Variants in SORCS2 observed in about 807,000 individuals in gnomAD.
The protein encoded by SORCS2 is sortilin related VPS10 domain containing receptor 2.
In SORCS2, 100 loss-of-function variants were observed where a neutral mutation model predicts 141.6. The observed-to-expected ratio is 0.71, with a 90% CI of 0.60 to 0.83. The LOEUF is 0.83. Ranked by LOEUF, SORCS2 falls within the 40% of genes least tolerant of loss-of-function variation. SORCS2 has a pLI of 0.00. For missense variants in SORCS2, 1,646 were observed against 1,560.2 expected (o/e 1.05, Z -0.93); for synonymous variants, 789 against 676.9 (o/e 1.17, Z -2.57).
intron 1 of SORCS2, among the ~76,000 whole-genome samples, chr4:7,359,678 C>A (rs1466990972): frequency 6.6e-6 from 1 of 152,218 alleles, no homozygotes; most frequent in African/African-American, 2.4e-5. Flanking sequence ...GAGCATCATT[C>A]AGTGAGAGTG....
At position 7,286,209 on chromosome 4, in the gene SORCS2, C is replaced by T. The variant is rs1175284375; in HGVS notation, c.480+93083C>T. ...GCCGGTCCTCACTGCACGACTCGGACCCTGAGTCTCCTCGCGTGGGAAGTG... is the reference window on the plus strand; with the variant it reads ...GCCGGTCCTCACTGCACGACTCGGATCCTGAGTCTCCTCGCGTGGGAAGTG... On this transcript the variant is annotated intron_variant, in intron 1 of 26. Coordinates refer to ENST00000507866, the MANE Select transcript of SORCS2 (RefSeq NM_020777.3). This position sits in a 1 kb window ranked among gnomAD's most constrained non-coding sequence, Gnocchi z 4.1. Among the ~76,000 whole-genome samples, 1 of 152,238 alleles carries T rather than the reference C, an allele frequency of 6.6e-6. No homozygotes were observed. Among genetic ancestry groups the T allele is most frequent in the African/African-American group, 2.4e-5 (1 of 41,466 alleles).
intron 26 of SORCS2, among the ~76,000 whole-genome samples, chr4:7,739,840 C>T (rs1448831992): frequency 3.3e-5 from 5 of 152,306 alleles, no homozygotes; most frequent in Non-Finnish European, 7.4e-5. Flanking sequence ...CCACTCTACG[C>T]CCTGCAGCGC....
At chr4:7,417,183 C>T (rs139559892) in intron 2 of SORCS2, among the ~76,000 whole-genome samples, 4 of 152,298 alleles carry the variant, frequency 2.6e-5, no homozygotes, top group Admixed American at 6.5e-5. Context: ...ACAGGGCAAG[C>T]AGCATCTGGG....
At position 7,729,655 on chromosome 4, in the gene SORCS2, G is replaced by C. The variant is rs765005151; in HGVS notation, c.3051G>C (p.Leu1017=). ...VKPGLPTLAD[L]YVLLPPPRPT... is the part of the protein sequence containing the mutation. ...CGGGGCTGCCCACTTTGGCCGATCT[G>C]TACGTGCTCCTGCCCCCTCCCAGGC... Residue 1017 remains leucine, a synonymous_variant, in exon 23 of 27, where the codon CTG becomes CTC. Coordinates refer to ENST00000507866, the MANE Select transcript of SORCS2 (RefSeq NM_020777.3). The C allele has an allele frequency of 1.0e-5, 16 of 1,606,072 alleles. No individual in the cohort carries two copies. Among genetic ancestry groups the C allele is most frequent in the Non-Finnish European group, 1.2e-5 (14 of 1,176,650 alleles).
chr4:7,540,169 CCCCT>C (rs1397069768), intron 3 of SORCS2, among the ~76,000 whole-genome samples: 2 of 2,560 alleles, frequency 7.8e-4, no homozygotes, highest in Non-Finnish European at 8.6e-3. Context: ...CCTCTCCCTG[CCCCT>C]CCCTGCCCCT....
intron 12 of SORCS2, among the ~76,000 whole-genome samples, chr4:7,701,022 G>T (rs987100832): frequency 6.6e-6 from 1 of 152,212 alleles, no homozygotes; most frequent in Non-Finnish European, 1.5e-5. Context: ...TGTGCAGCAC[G>T]CCTCACGGCA....
At chr4:7,703,052 G>T (rs1304278349) in intron 12 of SORCS2, among the ~76,000 whole-genome samples, 1 of 152,244 alleles carries the variant, frequency 6.6e-6, no homozygotes, top group African/African-American at 2.4e-5. Flanking sequence ...AGGTCGATAG[G>T]GTAGAAGTTG....
At chr4:7,685,626 G>A (rs367833533) in intron 10 of SORCS2, among the ~76,000 whole-genome samples, 44 of 152,196 alleles carry the variant, frequency 2.9e-4, no homozygotes, top group East Asian at 1.9e-3. Flanking sequence ...AGCTGAGATC[G>A]TGCCACTGCA....
intron 3 of SORCS2, among the ~76,000 whole-genome samples, chr4:7,600,217 C>G (rs1717566077): frequency 6.6e-6 from 1 of 152,184 alleles, no homozygotes; most frequent in South Asian, 2.1e-4. Context: ...GAACCAGCTG[C>G]TGTCACAGCT....
rs765199408 is a variant in SORCS2, at chr4:7,565,844, GTGA to G, written c.648+34221_648+34223del. Among the ~76,000 whole-genome samples the G allele has an allele frequency of 2.4e-3, 83 of 34,892 alleles. 1 individual carries two copies. Among genetic ancestry groups the G allele is most frequent in the Middle Eastern group, 0.033 (1 of 30 alleles). The allele number at this position is 34,892 out of a possible 152,430, so 22.9% of individuals were successfully genotyped here. A position where few individuals can be genotyped will look rare whatever the true frequency, so the allele number is the denominator to read the frequency against. On this transcript the variant is annotated intron_variant, in intron 3 of 26. Coordinates refer to ENST00000507866, the MANE Select transcript of SORCS2 (RefSeq NM_020777.3). The stretch of plus-strand genomic sequence containing the variant: ...GGCAATGGTGATGATGATGGTGATG[GTGA>G]TGATGGTGATGATGGTGATGATGTG...
chr4:7,453,171 T>C, intron 2 of SORCS2, among the ~76,000 whole-genome samples: 1 of 123,650 alleles, frequency 8.1e-6, no homozygotes. Flanking sequence ...TGTGTTGGGG[T>C]CAGGCTCTGT....
At chr4:7,591,561 C>T (rs1157677978) in intron 3 of SORCS2, among the ~76,000 whole-genome samples, 1 of 152,210 alleles carries the variant, frequency 6.6e-6, no homozygotes, top group African/African-American at 2.4e-5. Context: ...TCATGCTCTC[C>T]CGGGTGGTCA....
intron 1 of SORCS2, among the ~76,000 whole-genome samples, chr4:7,255,660 T>C (rs1713806844): frequency 6.6e-6 from 1 of 152,198 alleles, no homozygotes; most frequent in African/African-American, 2.4e-5. Flanking sequence ...GGGGGCCGGC[T>C]CCTGGGGAGC....
At chr4:7,262,488 G>T (rs1338369534) in intron 1 of SORCS2, among the ~76,000 whole-genome samples, 1 of 152,078 alleles carries the variant, frequency 6.6e-6, no homozygotes, top group Non-Finnish European at 1.5e-5. Flanking sequence ...TAACAAGACA[G>T]ACATAGGCCC....
At chr4:7,689,663 A>G in intron 11 of SORCS2, 75 bp downstream of exon 11, 1 of 1,383,606 alleles carries the variant, frequency 7.2e-7, no homozygotes, top group Non-Finnish European at 9.9e-7. Flanking sequence ...AAGGGTAAAA[A>G]GGGATGGTCA....
chr4:7,448,078 AAC>A (rs898417795), intron 2 of SORCS2, among the ~76,000 whole-genome samples: 1 of 152,172 alleles, frequency 6.6e-6, no homozygotes, highest in African/African-American at 2.4e-5. Flanking sequence ...ACGTCCAGGA[AAC>A]ACATCCCTGT....
chr4:7,433,137 G>A (rs1039547209), intron 2 of SORCS2: 10 of 568,414 alleles, frequency 1.8e-5, no homozygotes, highest in Middle Eastern at 9.6e-4. Context: ...AAAGCTGTGC[G>A]GCACCGTTGT....
intron 26 of SORCS2, 143 bp from the exon 27 acceptor site, chr4:7,740,057 C>G: frequency 3.0e-6 from 2 of 671,584 alleles, no homozygotes; most frequent in South Asian, 3.4e-5. Flanking sequence ...AGACCCCCTG[C>G]ACCTGCACGG....
intron 3 of SORCS2, among the ~76,000 whole-genome samples, chr4:7,556,171 T>C (rs1577742674): frequency 6.6e-6 from 1 of 151,490 alleles, no homozygotes; most frequent in Non-Finnish European, 1.5e-5. Context: ...AGGTGAGGGG[T>C]GATGGGGGTC....
Sources: allele counts gnomAD v4.1 joint callset (sites outside exome capture counted in the v4.1 genomes callset), GRCh38; gene constraint gnomAD v4.1.1; non-coding constraint Gnocchi (gnomAD v3.1); transcripts MANE v1.5; gene names NCBI Gene and HGNC (gene_info 2026-07-23, HGNC 2026-07-21).